PLCE1: variants seen among roughly 807,000 people sequenced by gnomAD.
The protein encoded by PLCE1 is 1-phosphatidylinositol 4,5-bisphosphate phosphodiesterase epsilon-1.
PLCE1 carries 119 observed loss-of-function variants against 242.8 expected under a neutral mutation model. That is an observed-to-expected ratio of 0.49 (90% CI 0.42 to 0.57). The LOEUF (loss-of-function observed/expected upper bound fraction) is 0.57. Ranked by LOEUF, PLCE1 falls within the 20% of genes least tolerant of loss-of-function variation. PLCE1 has a pLI of 0.00. For synonymous variants in PLCE1, 945 were observed against 1,017.4 expected, an observed-to-expected ratio of 0.93 and a Z score of 1.35; for missense variants, 2,441 against 2,788.8, an observed-to-expected ratio of 0.88 and a Z score of 2.81.
In PLCE1 at chr10:94,023,845, C is replaced by G. The variant is rs148733560; in HGVS notation, c.-364-6838C>G. 3.0e-3 allele frequency among the ~76,000 whole-genome samples: 463 copies of G among 152,066 alleles called. 3 individuals carry two copies. Among genetic ancestry groups the G allele is most frequent in the African/African-American group, 0.011 (444 of 41,478 alleles). ...TGAGTCTGGAGCCTTGCATTCCAGA[C>G]TCAGAAACTTTTCTAATAAAGGGAG... On this transcript the variant is annotated intron_variant, in intron 1 of 32. Coordinates refer to ENST00000371380, the MANE Select transcript of PLCE1 (RefSeq NM_016341.4).
Position 94,246,393 on chromosome 10 carries a change from G to T in PLCE1, c.2868G>T (p.Val956=), listed in dbSNP as rs751684041. The T allele has an allele frequency of 1.2e-6, 2 of 1,614,200 alleles. No individual in the cohort carries two copies. Among genetic ancestry groups the T allele is most frequent in the South Asian group, 2.2e-5 (2 of 91,086 alleles). ...MGHPGIDIHT[V]CVQNKLGSMF... ...ACCCTGGCATTGATATACACACTGT[G>T]TGTGTTCAGAACAAACTGGGTAGCA... Residue 956 remains valine (V), a synonymous_variant, in exon 8 of 33, where the codon GTG becomes GTT. Coordinates refer to ENST00000371380, the MANE Select transcript of PLCE1 (RefSeq NM_016341.4).
chr10:94,031,217 G>A lies in PLCE1; in HGVS notation c.171G>A (p.Leu57=). The part of the protein sequence containing the change: ...SGETSHTISQ[L]NKLKEEPSGS... The stretch of plus-strand genomic sequence containing the variant: ...AGACTTCTCATACCATCTCACAACT[G>A]AACAAACTTAAAGAAGAACCTTCTG... The change falls in exon 2 of 33, where the codon CTG becomes CTA. Residue 57 remains leucine (L), a synonymous_variant. Transcript: ENST00000371380. 6.2e-7 allele frequency: 1 copy of A among 1,613,766 alleles called. No homozygotes were observed. The highest frequency in any genetic ancestry group is 8.5e-7 in the Non-Finnish European group (1 of 1,179,830).
intron 2 of PLCE1, chr10:94,094,752 C>T (rs1313305307): frequency 1.3e-5 from 2 of 152,144 alleles, no homozygotes; most frequent in African/African-American, 2.4e-5. Flanking sequence ...TGACAGCATG[C>T]TTTCAGAGGC....
At chr10:93,995,165 A>G (rs1415667321) in intron 1 of PLCE1, among the ~76,000 whole-genome samples, 2 of 152,206 alleles carry the variant, frequency 1.3e-5, no homozygotes, top group African/African-American at 2.4e-5. Context: ...AGGTGGAAGC[A>G]GGTGACCCCA....
intron 2 of PLCE1, among the ~76,000 whole-genome samples, chr10:94,076,939 C>G (rs542694372): frequency 6.6e-6 from 1 of 152,084 alleles, no homozygotes; most frequent in Non-Finnish European, 1.5e-5. Flanking sequence ...TAAAATCTAC[C>G]AAGCTGAAAC....
intron 4 of PLCE1, among the ~76,000 whole-genome samples, chr10:94,209,468 C>T (rs773133622): frequency 9.9e-5 from 15 of 152,182 alleles, no homozygotes; most frequent in Admixed American, 3.3e-4. Flanking sequence ...GAGCTTTCAT[C>T]AACTCATAGC....
intron 2 of PLCE1, chr10:94,089,219 T>G (rs919633250): frequency 6.2e-7 from 1 of 1,614,034 alleles, no homozygotes; most frequent in Non-Finnish European, 8.5e-7. Context: ...TGCAGCCTCT[T>G]AGGCAGAGAG....
At chr10:94,256,857 G>A (rs1167483772) in intron 11 of PLCE1, among the ~76,000 whole-genome samples, 1 of 152,162 alleles carries the variant, frequency 6.6e-6, no homozygotes, top group Non-Finnish European at 1.5e-5. Flanking sequence ...TGCTATTAAG[G>A]GAGAAAGCTA....
chr10:94,195,345 G>A (rs1348641566), intron 4 of PLCE1, among the ~76,000 whole-genome samples: 1 of 152,144 alleles, frequency 6.6e-6, no homozygotes, highest in Non-Finnish European at 1.5e-5. Context: ...GGCTCTTCCA[G>A]TTCTAGGAGT....
chr10:94,022,585 C>T (rs1421912127), intron 1 of PLCE1, among the ~76,000 whole-genome samples: 1 of 151,582 alleles, frequency 6.6e-6, no homozygotes, highest in Admixed American at 6.6e-5. Flanking sequence ...GTTATTTTTC[C>T]CAGAATTGAT....
chr10:94,316,515 C>G (rs1271472582), intron 28 of PLCE1, 32 bp from the exon 29 acceptor site: 4 of 1,433,596 alleles, frequency 2.8e-6, no homozygotes, highest in Non-Finnish European at 3.9e-6. Context: ...GTTTTTGCCT[C>G]ACTCCTCAGT....
intron 4 of PLCE1, among the ~76,000 whole-genome samples, chr10:94,182,582 C>T (rs2048349624): frequency 6.6e-6 from 1 of 151,988 alleles, no homozygotes; most frequent in Non-Finnish European, 1.5e-5. Flanking sequence ...ATCTTCATTT[C>T]TTTTCTTTCT....
At chr10:94,164,186 T>C (rs2047714977) in intron 3 of PLCE1, among the ~76,000 whole-genome samples, 1 of 152,210 alleles carries the variant, frequency 6.6e-6, no homozygotes, top group Non-Finnish European at 1.5e-5. Flanking sequence ...TTCCTGAATC[T>C]GAATGTTGGC....
At chr10:94,080,605 G>A (rs2044627563) in intron 2 of PLCE1, among the ~76,000 whole-genome samples, 1 of 152,166 alleles carries the variant, frequency 6.6e-6, no homozygotes, top group African/African-American at 2.4e-5. Flanking sequence ...CATTCTTACT[G>A]AAATATGTGT....
intron 2 of PLCE1, among the ~76,000 whole-genome samples, chr10:94,055,350 G>A (rs911050706): frequency 6.7e-6 from 1 of 149,950 alleles, no homozygotes; most frequent in Non-Finnish European, 1.5e-5. Flanking sequence ...TCGCTCTGTC[G>A]CTTGGACTAG....
At chr10:94,251,648 G>T (rs765912286) in intron 8 of PLCE1, among the ~76,000 whole-genome samples, 1 of 152,146 alleles carries the variant, frequency 6.6e-6, no homozygotes, top group Non-Finnish European at 1.5e-5. Context: ...ACACAGAGTT[G>T]CCTTAGAAGC....
intron 9 of PLCE1, 54 bp from the exon 10 acceptor site, chr10:94,254,136 C>G: frequency 7.9e-7 from 1 of 1,266,054 alleles, no homozygotes; most frequent in Non-Finnish European, 1.2e-6. Context: ...TGAACTAAAG[C>G]AGTGATGGGA....
In PLCE1 at chr10:94,079,462, G is replaced by A. The variant is rs372782227; in HGVS notation, c.1206+47210G>A. 9.2e-5 allele frequency among the ~76,000 whole-genome samples: 14 copies of A among 152,204 alleles called. No individual in the cohort carries two copies. In the South Asian group the frequency reaches 2.3e-3, roughly 25 times the overall value. ...CAGGGCCTGTCGTGGGGTGGGGAGC[G>A]AGGGGAGGGATAGCATTAGGAGAAA... On this transcript the variant is annotated intron_variant, in intron 2 of 32. Coordinates refer to ENST00000371380, the MANE Select transcript of PLCE1 (RefSeq NM_016341.4).
At chr10:94,312,804 A>G (rs1196015038) in intron 27 of PLCE1, among the ~76,000 whole-genome samples, 1 of 152,214 alleles carries the variant, frequency 6.6e-6, no homozygotes, top group African/African-American at 2.4e-5. Context: ...GAATTGAGTT[A>G]CACACTTACC....
Sources: gnomAD v4.1 joint callset for allele counts (sites outside exome capture counted in the v4.1 genomes callset) on GRCh38, gnomAD v4.1.1 for gene constraint, MANE v1.5 for transcripts, NCBI Gene and HGNC (gene_info 2026-07-23, HGNC 2026-07-21) for gene names.